Variants in CAST observed in about 807,000 individuals in gnomAD.
The protein encoded by CAST is calpastatin, also known as MIR583 host.
CAST carries 76 observed loss-of-function variants against 119.6 expected under a neutral mutation model. The ratio of observed to expected loss-of-function variants is 0.64; its 90% CI spans 0.53 to 0.77. CAST has a LOEUF of 0.77. CAST is among the 30% of genes least tolerant of loss of function. CAST has a pLI of 0.00. For missense variants in CAST, 953 were observed against 946.5 expected, an observed-to-expected ratio of 1.01 and a Z score of -0.09; for synonymous variants, 319 against 331.6, an observed-to-expected ratio of 0.96 and a Z score of 0.41.
At chr5:96,760,030 CCTT>C (rs1353975116) in intron 24 of CAST, among the ~76,000 whole-genome samples, 2 of 152,022 alleles carry the variant, frequency 1.3e-5, no homozygotes, top group Non-Finnish European at 2.9e-5. Context: ...TTCAAACTGT[CCTT>C]CTACTGAAGG....
intron 1 of CAST, among the ~76,000 whole-genome samples, chr5:96,581,200 A>G (rs186890692): frequency 6.6e-6 from 1 of 152,394 alleles, no homozygotes; most frequent in East Asian, 1.9e-4. Flanking sequence ...AATTTATAAT[A>G]TAAACCATCC....
the CAST span, among the ~76,000 whole-genome samples, chr5:96,345,931 T>A: frequency 6.6e-6 from 1 of 152,196 alleles, no homozygotes; most frequent in South Asian, 2.1e-4. Flanking sequence ...CATCCCATCA[T>A]GTTTACTGTA....
Position 96,593,555 on chromosome 5 carries a change from C to T in CAST, c.60+63675C>T, listed in dbSNP as rs192372471. Among the ~76,000 whole-genome samples, 7 of 152,256 alleles carry T rather than the reference C, an allele frequency of 4.6e-5. No individual in the cohort carries two copies. In the East Asian group the frequency reaches 1.4e-3, roughly 29 times the overall value. ...TGGAACAATGAGGTATGCACATGAA[C>T]AGAAGAGATACATGCAATATGTGTG... On this transcript the variant is annotated intron_variant, in intron 1 of 11. Transcript: ENST00000505143.
the CAST span, among the ~76,000 whole-genome samples, chr5:96,520,101 C>A: frequency 6.6e-6 from 1 of 152,186 alleles, no homozygotes; most frequent in Non-Finnish European, 1.5e-5. Context: ...CTTCATACGT[C>A]CAGGTTTTGT....
chr5:96,614,096 C>T (rs1297729396), intron 1 of CAST, among the ~76,000 whole-genome samples: 1 of 152,166 alleles, frequency 6.6e-6, no homozygotes, highest in African/African-American at 2.4e-5. Context: ...AATACAAATG[C>T]TGCCGGTCCA....
intron 1 of CAST, among the ~76,000 whole-genome samples, chr5:96,574,303 C>T (rs1746627062): frequency 2.3e-4 from 1 of 4,350 alleles, no homozygotes; most frequent in Non-Finnish European, 3.2e-4. Flanking sequence ...ATGATCCACC[C>T]GCCTCGGCCT....
At chr5:96,338,767 T>C in the CAST span, among the ~76,000 whole-genome samples, 2 of 152,322 alleles carry the variant, frequency 1.3e-5, no homozygotes, top group African/African-American at 4.8e-5. Context: ...AACATCCTGT[T>C]CCTGGGAGCC....
At chr5:96,645,047 T>C (rs956647830) in intron 1 of CAST, among the ~76,000 whole-genome samples, 1 of 152,228 alleles carries the variant, frequency 6.6e-6, no homozygotes, top group East Asian at 1.9e-4. Context: ...ATTCCCTTTT[T>C]TTGTTGGAGG....
the CAST span, among the ~76,000 whole-genome samples, chr5:96,512,935 G>A: frequency 6.6e-5 from 10 of 152,192 alleles, no homozygotes; most frequent in Middle Eastern, 6.8e-3. Flanking sequence ...ATACATAATG[G>A]CTATCATTTC....
chr5:96,337,971 A>G, the CAST span, among the ~76,000 whole-genome samples: 1 of 152,034 alleles, frequency 6.6e-6, no homozygotes, highest in Non-Finnish European at 1.5e-5. Flanking sequence ...GAAAACTTTT[A>G]ATTTTTTTTT....
chr5:96,662,326 T>G, upstream of CAST: 17 of 259,212 alleles, frequency 6.6e-5, no homozygotes, highest in Non-Finnish European at 1.1e-4. Context: ...CTCCGCTCCC[T>G]CCCTCCCTCC....
the CAST span, among the ~76,000 whole-genome samples, chr5:96,104,555 C>T: frequency 1.3e-5 from 2 of 151,992 alleles, no homozygotes; most frequent in African/African-American, 2.4e-5. Context: ...AGATATGCGG[C>T]GTTATTTCTG....
At chr5:96,285,194 G>A in the CAST span, among the ~76,000 whole-genome samples, 1 of 152,062 alleles carries the variant, frequency 6.6e-6, no homozygotes, top group Admixed American at 6.6e-5. Flanking sequence ...CAGGTACTGG[G>A]GATATAACAA....
the CAST span, among the ~76,000 whole-genome samples, chr5:95,991,025 A>G: frequency 6.6e-6 from 1 of 152,216 alleles, no homozygotes; most frequent in Admixed American, 6.5e-5. Flanking sequence ...TGGAAATACT[A>G]GGTGAAATAT....
the CAST span, among the ~76,000 whole-genome samples, chr5:96,041,769 G>A: frequency 6.6e-6 from 1 of 152,068 alleles, no homozygotes. Context: ...GGCAGGTTGT[G>A]AATAGTAGGA....
chr5:95,971,015 C>T, the CAST span, among the ~76,000 whole-genome samples: 1 of 152,128 alleles, frequency 6.6e-6, no homozygotes, highest in Non-Finnish European at 1.5e-5. Flanking sequence ...TGTTGATGAT[C>T]TATTATGACT....
At chr5:96,102,876 G>C in the CAST span, among the ~76,000 whole-genome samples, 2 of 152,122 alleles carry the variant, frequency 1.3e-5, no homozygotes, top group Non-Finnish European at 2.9e-5. Flanking sequence ...TCAAGAAACT[G>C]CCAATCTATT....
In CAST at chr5:96,745,400, T is replaced by G. The variant is rs27979; in HGVS notation, c.1201-942T>G. Among the ~76,000 whole-genome samples, 235 of 152,336 alleles carry G rather than the reference T, an allele frequency of 1.5e-3. 12 individuals are homozygous for G. In the South Asian group the frequency reaches 0.047, roughly 30 times the overall value. ...TAAATGTTTTCATTTGTTTTGTTTTTTATATTTCCTGTAAAACATGACCAG... is the reference window on the plus strand; with the variant it reads ...TAAATGTTTTCATTTGTTTTGTTTTGTATATTTCCTGTAAAACATGACCAG... On this transcript the variant is annotated intron_variant, in intron 16 of 31. Coordinates refer to ENST00000675179, the MANE Select transcript of CAST (RefSeq NM_001750.7).
chr5:96,554,135 T>C (rs1486105684), intron 1 of CAST, among the ~76,000 whole-genome samples: 8 of 152,146 alleles, frequency 5.3e-5, no homozygotes, highest in African/African-American at 1.4e-4. Context: ...AGAGGCATCA[T>C]GCTACCTGAC....
Sources: allele counts gnomAD v4.1 joint callset (sites outside exome capture counted in the v4.1 genomes callset), GRCh38; gene constraint gnomAD v4.1.1; transcripts MANE v1.5; gene names NCBI Gene and HGNC (gene_info 2026-07-23, HGNC 2026-07-21).